Variants in CDH7 observed in about 807,000 individuals in gnomAD.
The protein encoded by CDH7 is cadherin 7.
Under a neutral mutation model 71.8 loss-of-function variants are expected in CDH7, and 25 were observed. That is an observed-to-expected ratio of 0.35 (90% CI 0.25 to 0.49). The LOEUF (loss-of-function observed/expected upper bound fraction) is 0.49, where lower values mean the gene tolerates loss of function less well. CDH7 is among the 20% of genes least tolerant of loss of function. The pLI is 0.99. For missense variants in CDH7, 862 were observed against 974.6 expected, an observed-to-expected ratio of 0.88 and a Z score of 1.54; for synonymous variants, 381 against 363.8, an observed-to-expected ratio of 1.05 and a Z score of -0.54.
chr18:65,781,776 T>TTTCTTTCTTTCTA lies in CDH7; in HGVS notation c.210+18725_210+18726insTCTTTCTTTCTAT, dbSNP rs1568181291. Among the ~76,000 whole-genome samples, 154 of 56,908 alleles carry TTTCTTTCTTTCTA rather than the reference T, an allele frequency of 2.7e-3. 19 individuals are homozygous for TTTCTTTCTTTCTA. Among genetic ancestry groups the TTTCTTTCTTTCTA allele is most frequent in the South Asian group, 4.3e-3 (5 of 1,176 alleles). The allele number at this position is 56,908 out of a possible 152,430, so 37.3% of individuals were successfully genotyped here. Reference sequence around the variant, plus strand: ...TTTCTTTCTTTCTTTCTTTCCTTCCTTCCTTCCTTCCTTCCTTCCTTCCTT... The same window carrying TTTCTTTCTTTCTA: ...TTTCTTTCTTTCTTTCTTTCCTTCCTTTCTTTCTTTCTATCCTTCCTTCCTTCCTTCCTTCCTT... On this transcript the variant is annotated intron_variant, in intron 2 of 11. Coordinates refer to ENST00000397968, the MANE Select transcript of CDH7 (RefSeq NM_004361.5).
At chr18:65,856,605 AG>A (rs1296300107) in intron 7 of CDH7, among the ~76,000 whole-genome samples, 1 of 152,170 alleles carries the variant, frequency 6.6e-6, no homozygotes, top group African/African-American at 2.4e-5. Context: ...TCAAGAATCA[AG>A]AAGATGAAGA....
intron 4 of CDH7, among the ~76,000 whole-genome samples, chr18:65,815,526 A>G (rs1332901167): frequency 6.6e-6 from 1 of 152,218 alleles, no homozygotes; most frequent in Non-Finnish European, 1.5e-5. Context: ...ATATTAATTT[A>G]TTCTCAAATC....
rs1380052447 is a variant in CDH7 at position 65,885,068 on chromosome 18, A to G, written c.*4174A>G. 6.6e-6 allele frequency: 1 copy of G among 152,152 alleles called. No individual in the cohort carries two copies. The highest frequency in any genetic ancestry group is 6.5e-5 in the Admixed American group (1 of 15,270). 9.4% of individuals were successfully genotyped at this position (152,152 alleles called of 1,614,324 possible). A position where few individuals can be genotyped will look rare whatever the true frequency, so the allele number is the denominator to read the frequency against. The stretch of plus-strand genomic sequence containing the variant: ...ATATTGTGTGTATATATGACGGTGT[A>G]TGAAAGTTGGCAATGAAAGCTAATA... On this transcript the variant is annotated 3_prime_UTR_variant, in exon 12 of 12. Coordinates refer to ENST00000397968, the MANE Select transcript of CDH7 (RefSeq NM_004361.5).
At chr18:65,862,447 T>G (rs1913597745) in intron 10 of CDH7, among the ~76,000 whole-genome samples, 1 of 152,154 alleles carries the variant, frequency 6.6e-6, no homozygotes, top group African/African-American at 2.4e-5. Flanking sequence ...AACTATTTCT[T>G]TTGTTATACT....
chr18:65,857,351 AT>A lies in CDH7; in HGVS notation c.1236-464del, dbSNP rs1472300471. ...AATAATAATAATAATAATAATAATA[AT>A]AATAATAATAAAATAGCCAAATATG... On this transcript the variant is annotated intron_variant, in intron 7 of 11. Transcript: ENST00000397968. Among the ~76,000 whole-genome samples the A allele has an allele frequency of 6.0e-3, 875 of 145,276 alleles. 9 individuals are homozygous for A. Among genetic ancestry groups the A allele is most frequent in the African/African-American group, 0.022 (844 of 39,016 alleles).
rs1482970690 is a variant in CDH7 at position 65,764,000 on chromosome 18, C to T, written c.210+948C>T. Among the ~76,000 whole-genome samples the T allele has an allele frequency of 5.3e-5, 8 of 152,124 alleles. No homozygotes were observed. The East Asian group carries it at 1.4e-3, about 26-fold the overall frequency. ...AGGTTTTCTAAATAGGGTATATTAG[C>T]ACAAAATCTGTGCCTCTGTATTTTT... On this transcript the variant is annotated intron_variant, in intron 2 of 11. Coordinates refer to ENST00000397968, the MANE Select transcript of CDH7 (RefSeq NM_004361.5).
intron 6 of CDH7, among the ~76,000 whole-genome samples, chr18:65,836,554 A>G (rs1912538754): frequency 6.6e-6 from 1 of 152,026 alleles, no homozygotes; most frequent in Non-Finnish European, 1.5e-5. Context: ...CATTTCTGCA[A>G]TTATTCATTG....
At chr18:65,768,458 A>G (rs545784210) in intron 2 of CDH7, among the ~76,000 whole-genome samples, 43 of 151,660 alleles carry the variant, frequency 2.8e-4, no homozygotes, top group African/African-American at 9.9e-4. Context: ...CTGGTTTCGA[A>G]CTCCTGACTT....
chr18:65,774,779 G>A (rs574754691), intron 2 of CDH7, among the ~76,000 whole-genome samples: 10 of 152,164 alleles, frequency 6.6e-5, no homozygotes, highest in Admixed American at 6.6e-4. Flanking sequence ...TGATGATGCA[G>A]GATCATGAAT....
intron 2 of CDH7, among the ~76,000 whole-genome samples, chr18:65,777,620 G>A (rs755833300): frequency 6.6e-6 from 1 of 152,002 alleles, no homozygotes; most frequent in Non-Finnish European, 1.5e-5. Context: ...CTTACTCCCT[G>A]CCATTTATGA....
chr18:65,875,249 G>T (rs1914041040), intron 11 of CDH7, among the ~76,000 whole-genome samples: 1 of 152,088 alleles, frequency 6.6e-6, no homozygotes, highest in African/African-American at 2.4e-5. Context: ...GTTCATAATA[G>T]AATACATTCA....
chr18:65,852,559 G>T (rs577042129), intron 7 of CDH7, among the ~76,000 whole-genome samples: 1 of 152,034 alleles, frequency 6.6e-6, no homozygotes, highest in Non-Finnish European at 1.5e-5. Flanking sequence ...AAGGGGGAGG[G>T]CAGAAATCAA....
At chr18:65,778,465 A>G (rs1189380425) in intron 2 of CDH7, among the ~76,000 whole-genome samples, 1 of 148,588 alleles carries the variant, frequency 6.7e-6, no homozygotes, top group Non-Finnish European at 1.5e-5. Flanking sequence ...CTCTTCTGCA[A>G]TCAGCACTTA....
intron 2 of CDH7, among the ~76,000 whole-genome samples, chr18:65,800,372 G>A (rs1911078325): frequency 6.6e-6 from 1 of 152,040 alleles, no homozygotes; most frequent in Non-Finnish European, 1.5e-5. Context: ...AGCCACAGTG[G>A]CCAGCCAACT....
At position 65,862,926 on chromosome 18, in the gene CDH7, T is replaced by C; in HGVS notation, c.1864+9T>C. ...TGTCTTGACATTATTGGGTAGGTAC[T>C]GTTTCCAGGGCTTGCTCTGAAAGAG... On this transcript the variant is annotated intron_variant, in intron 11 of 11. Coordinates refer to ENST00000397968, the MANE Select transcript of CDH7 (RefSeq NM_004361.5). 3 of 1,612,678 alleles carry C rather than the reference T, an allele frequency of 1.9e-6. No homozygotes were observed. The highest frequency in any genetic ancestry group is 1.1e-5 in the South Asian group (1 of 90,992).
chr18:65,810,008 G>T lies in CDH7; in HGVS notation c.505+10G>T, dbSNP rs779204777. 2 of 1,600,244 alleles carry T rather than the reference G, an allele frequency of 1.2e-6. No individual in the cohort carries two copies. The highest frequency in any genetic ancestry group is 1.7e-6 in the Non-Finnish European group (2 of 1,168,884). On this transcript the variant is annotated intron_variant, in intron 3 of 11. Coordinates refer to ENST00000397968, the MANE Select transcript of CDH7 (RefSeq NM_004361.5). ...GAAATGTCTCCCGTGGGTAAGTAAAGAACACTCTGCTTTTGTAGCTTGTGG... is the reference window on the plus strand; with the variant it reads ...GAAATGTCTCCCGTGGGTAAGTAAATAACACTCTGCTTTTGTAGCTTGTGG...
chr18:65,872,186 T>A (rs150564837), intron 11 of CDH7, among the ~76,000 whole-genome samples: 5 of 152,256 alleles, frequency 3.3e-5, no homozygotes, highest in African/African-American at 1.2e-4. Context: ...TGAAGTTCTG[T>A]GTCAGATAGG....
chr18:65,816,676 C>G (rs1298748103), intron 4 of CDH7, among the ~76,000 whole-genome samples: 2 of 152,068 alleles, frequency 1.3e-5, no homozygotes, highest in Non-Finnish European at 2.9e-5. Context: ...TGTTTACAGG[C>G]TGAATGACCA....
At chr18:65,846,773 G>A (rs1912948637) in intron 7 of CDH7, among the ~76,000 whole-genome samples, 1 of 152,094 alleles carries the variant, frequency 6.6e-6, no homozygotes, top group Admixed American at 6.6e-5. Context: ...TTTTGTATTA[G>A]CCAGCAAAAA....
Sources: allele counts gnomAD v4.1 joint callset (sites outside exome capture counted in the v4.1 genomes callset), GRCh38; gene constraint gnomAD v4.1.1; transcripts MANE v1.5; gene names NCBI Gene and HGNC (gene_info 2026-07-23, HGNC 2026-07-21).